The following LDB2 variants were observed in gnomAD, a reference collection of about 807,000 sequenced individuals.
LDB2 encodes LIM domain-binding protein 2.
A neutral mutation model predicts 44.3 loss-of-function variants in LDB2; 12 were observed. The observed-to-expected ratio is 0.27, with a 90% CI of 0.17 to 0.44. The LOEUF (loss-of-function observed/expected upper bound fraction) is 0.44. Among genes scored for constraint, LDB2 ranks in the 20% least tolerant of loss-of-function variants. The probability of loss-of-function intolerance (pLI) is 1.00; values close to 1 mark genes in which losing one functional copy is unlikely to be tolerated. For missense variants in LDB2, 344 were observed against 473.5 expected (o/e 0.73, Z 2.54); for synonymous variants, 164 against 174.8 (o/e 0.94, Z 0.49).
rs755332933 is a variant in LDB2 at position 16,898,504 on chromosome 4, A to G, written c.-19T>C. 3.1e-6 allele frequency: 5 copies of G among 1,612,490 alleles called. No homozygotes were observed. The highest frequency in any genetic ancestry group is 4.2e-6 in the Non-Finnish European group (5 of 1,179,226). The stretch of plus-strand genomic sequence containing the variant: ...TGGACATCTTGCCTGCTTTTCGAAA[A>G]TCAAGCTAAACAGAGTATCAGTAAC... On this transcript the variant is annotated 5_prime_UTR_variant, in exon 1 of 8. Transcript: ENST00000304523.
At chr4:16,650,088 C>A (rs558429223) in intron 2 of LDB2, among the ~76,000 whole-genome samples, 1 of 152,254 alleles carries the variant, frequency 6.6e-6, no homozygotes. Flanking sequence ...GCTGTTTAAT[C>A]AAGCAAGGAG....
chr4:16,563,228 T>A (rs926490460), intron 5 of LDB2, among the ~76,000 whole-genome samples: 1 of 151,340 alleles, frequency 6.6e-6, no homozygotes, highest in East Asian at 1.9e-4. Flanking sequence ...ATAATAATAA[T>A]AAAAAGACAT....
At chr4:16,735,495 A>G (rs900323959) in intron 2 of LDB2, among the ~76,000 whole-genome samples, 16 of 152,148 alleles carry the variant, frequency 1.1e-4, no homozygotes, top group African/African-American at 3.9e-4. Context: ...CCTCCCATGC[A>G]GGTGGCTAGA....
At position 16,502,537 on chromosome 4, in the gene LDB2, C is replaced by A; in HGVS notation, c.*106G>T. The stretch of plus-strand genomic sequence containing the variant: ...ATTGTGGTTTAGAAATAGATATTTG[C>A]ATGGAAAAGTTTTTATCTCTTCTGT... On this transcript the variant is annotated 3_prime_UTR_variant, in exon 8 of 8. Transcript: ENST00000304523. 7.2e-7 allele frequency: 1 copy of A among 1,395,410 alleles called. No individual in the cohort carries two copies. The allele number at this position is 1,395,410 out of a possible 1,614,324, so 86.4% of individuals were successfully genotyped here.
chr4:16,535,649 C>G (rs956295006), intron 5 of LDB2, among the ~76,000 whole-genome samples: 1 of 152,154 alleles, frequency 6.6e-6, no homozygotes, highest in African/African-American at 2.4e-5. Flanking sequence ...CATATCAGAA[C>G]TGGGACCAGA....
At chr4:16,520,974 G>C (rs1725867998) in intron 5 of LDB2, among the ~76,000 whole-genome samples, 1 of 152,124 alleles carries the variant, frequency 6.6e-6, no homozygotes, top group Non-Finnish European at 1.5e-5. Flanking sequence ...TGGGTTATTT[G>C]CCTCTTTGCT....
At chr4:16,634,977 T>A (rs1222744279) in intron 2 of LDB2, among the ~76,000 whole-genome samples, 1 of 152,178 alleles carries the variant, frequency 6.6e-6, no homozygotes, top group African/African-American at 2.4e-5. Context: ...AAGGATGAGT[T>A]CTTGTCCTTT....
At chr4:16,819,287 C>A (rs894225394) in intron 1 of LDB2, among the ~76,000 whole-genome samples, 6 of 151,906 alleles carry the variant, frequency 3.9e-5, no homozygotes, top group Non-Finnish European at 8.8e-5. Context: ...AAAACAGAGG[C>A]TATATCTAAT....
At chr4:16,603,802 A>G (rs1165130426) in intron 2 of LDB2, among the ~76,000 whole-genome samples, 1 of 152,212 alleles carries the variant, frequency 6.6e-6, no homozygotes, top group African/African-American at 2.4e-5. Flanking sequence ...CTTCCTATAA[A>G]GGAATACGAA....
chr4:16,638,867 G>GA (rs1734353049), intron 2 of LDB2, among the ~76,000 whole-genome samples: 1 of 5,732 alleles, frequency 1.7e-4, no homozygotes, highest in East Asian at 0.011. Context: ...AAACCAACAC[G>GA]GGTTTTGTGG....
intron 1 of LDB2, among the ~76,000 whole-genome samples, chr4:16,790,724 T>C (rs1021535042): frequency 6.6e-6 from 1 of 152,192 alleles, no homozygotes; most frequent in Non-Finnish European, 1.5e-5. Flanking sequence ...ATCCTGGAGT[T>C]ACAGCACAGG....
At chr4:16,896,656 C>CT (rs36043249) in intron 1 of LDB2, among the ~76,000 whole-genome samples, 100 of 135,870 alleles carry the variant, frequency 7.4e-4, no homozygotes, top group African/African-American at 2.3e-3. Flanking sequence ...TCCCTGGCCT[C>CT]TTTTTTTATA....
At position 16,785,533 on chromosome 4, in the gene LDB2, G is replaced by T. The variant is rs74472865; in HGVS notation, c.133-26273C>A. The stretch of plus-strand genomic sequence containing the variant: ...GTAATGTGGCAGCATCGCCTACCGT[G>T]GCTGCAATGGCCGGGCAGCAGCCGC... On this transcript the variant is annotated intron_variant, in intron 1 of 7. Transcript: ENST00000304523. Among the ~76,000 whole-genome samples, 53 of 152,270 alleles carry T rather than the reference G, an allele frequency of 3.5e-4. No individual in the cohort carries two copies. In the East Asian group the frequency reaches 8.9e-3, roughly 26 times the overall value.
chr4:16,608,628 C>T (rs1019710678), intron 2 of LDB2, among the ~76,000 whole-genome samples: 5 of 152,204 alleles, frequency 3.3e-5, no homozygotes, highest in Non-Finnish European at 7.3e-5. Context: ...ACTAATGTCT[C>T]TCATAGGTTA....
chr4:16,591,282 T>C (rs1434438321), intron 3 of LDB2, among the ~76,000 whole-genome samples: 2 of 152,226 alleles, frequency 1.3e-5, no homozygotes, highest in Non-Finnish European at 2.9e-5. Flanking sequence ...TCTGACAGAT[T>C]ACTCAGTTGG....
intron 1 of LDB2, among the ~76,000 whole-genome samples, chr4:16,820,821 C>G (rs988524013): frequency 6.6e-6 from 1 of 151,800 alleles, no homozygotes; most frequent in African/African-American, 2.4e-5. Context: ...CAAAATGGTC[C>G]GACAATATTT....
intron 1 of LDB2, among the ~76,000 whole-genome samples, chr4:16,884,298 G>A (rs1488172418): frequency 6.6e-6 from 1 of 152,160 alleles, no homozygotes; most frequent in Non-Finnish European, 1.5e-5. Flanking sequence ...GGGGACTACT[G>A]TTGTCTCATT....
At chr4:16,852,518 C>A (rs540615016) in intron 1 of LDB2, among the ~76,000 whole-genome samples, 1 of 152,126 alleles carries the variant, frequency 6.6e-6, no homozygotes, top group Admixed American at 6.6e-5. Context: ...TATATGAATA[C>A]CTGTGATCAT....
Position 16,560,806 on chromosome 4 carries a change from C to T in LDB2, c.615+25116G>A, listed in dbSNP as rs532400370. 9.9e-5 allele frequency among the ~76,000 whole-genome samples: 15 copies of T among 152,248 alleles called. No homozygotes were observed. The South Asian group carries it at 2.5e-3, about 25-fold the overall frequency. On this transcript the variant is annotated intron_variant, in intron 5 of 7. Coordinates refer to ENST00000304523, the MANE Select transcript of LDB2 (RefSeq NM_001290.5). ...CCAATATCCTTGACGAACATTAATG[C>T]AAAAAGCCTCAATAAAATACTGGCA...
Sources: allele counts gnomAD v4.1 joint callset (sites outside exome capture counted in the v4.1 genomes callset), GRCh38; gene constraint gnomAD v4.1.1; transcripts MANE v1.5; gene names NCBI Gene and HGNC (gene_info 2026-07-23, HGNC 2026-07-21).